The following CUX1 variants were observed in gnomAD, a reference collection of about 807,000 sequenced individuals.
The protein encoded by CUX1 is cut like homeobox 1.
CUX1 carries 31 observed loss-of-function variants against 158.8 expected under a neutral mutation model. The observed-to-expected ratio is 0.20, with a 90% confidence interval of 0.15 to 0.26. CUX1 has a LOEUF of 0.26. Among genes scored for constraint, CUX1 ranks in the 10% least tolerant of loss-of-function variants. The pLI is 1.00. For missense variants in CUX1, 1,589 were observed against 2,014.6 expected, an observed-to-expected ratio of 0.79 and a Z score of 4.04; for synonymous variants, 879 against 862.1, an observed-to-expected ratio of 1.02 and a Z score of -0.34.
rs140021430 is a variant in CUX1, at chr7:102,115,868, A to G, written c.674+595A>G. Among the ~76,000 whole-genome samples, 970 of 152,310 alleles carry G rather than the reference A, an allele frequency of 6.4e-3. 3 individuals are homozygous for G. The highest frequency in any genetic ancestry group is 0.011 in the Non-Finnish European group (752 of 68,022). ...CAGCAAGGAAGAAATAATAATTGAC[A>G]TAAATCATGAAAAGATGAAGAAATG... is the stretch of plus-strand genomic sequence containing the variant. On this transcript the variant is annotated intron_variant, in intron 8 of 23. Transcript: ENST00000292535.
At chr7:102,177,291 G>A (rs549047876) in intron 10 of CUX1, among the ~76,000 whole-genome samples, 1 of 151,860 alleles carries the variant, frequency 6.6e-6, no homozygotes, top group African/African-American at 2.4e-5. Flanking sequence ...GTGCCCACCT[G>A]TAATCCCAGC....
intron 2 of CUX1, among the ~76,000 whole-genome samples, chr7:101,976,323 T>G (rs981791134): frequency 6.6e-6 from 1 of 152,218 alleles, no homozygotes; most frequent in African/African-American, 2.4e-5. Flanking sequence ...TATTGTAGTG[T>G]AAGGGATCTG....
At chr7:101,939,894 G>A (rs1807489631) in intron 2 of CUX1, among the ~76,000 whole-genome samples, 1 of 151,950 alleles carries the variant, frequency 6.6e-6, no homozygotes. Context: ...CAGCCTGACC[G>A]ACATGGTGAA....
chr7:102,219,070 A>ACACG (rs1399549653), intron 20 of CUX1, among the ~76,000 whole-genome samples: 1 of 150,826 alleles, frequency 6.6e-6, no homozygotes, highest in African/African-American at 2.4e-5. Flanking sequence ...ACACACACAC[A>ACACG]CACACACACA....
intron 2 of CUX1, among the ~76,000 whole-genome samples, chr7:101,921,443 T>A (rs192283697): frequency 0.023 from 3,390 of 149,716 alleles, 123 homozygotes; most frequent in African/African-American, 0.075. Flanking sequence ...TATTTTATTT[T>A]ATTTATTTAT....
chr7:101,888,082 T>G (rs965640802), intron 1 of CUX1, among the ~76,000 whole-genome samples: 1 of 152,062 alleles, frequency 6.6e-6, no homozygotes, highest in Non-Finnish European at 1.5e-5. Flanking sequence ...GCCTGTAATC[T>G]CAGCACTTTG....
At chr7:102,145,450 G>GT (rs1171920596) in intron 8 of CUX1, among the ~76,000 whole-genome samples, 6 of 149,946 alleles carry the variant, frequency 4.0e-5, no homozygotes, top group Non-Finnish European at 8.9e-5. Flanking sequence ...GGTACTGGAA[G>GT]TGAGCGCTCA....
intron 18 of CUX1, among the ~76,000 whole-genome samples, chr7:102,202,723 C>T (rs1199510433): frequency 1.3e-5 from 2 of 152,166 alleles, no homozygotes; most frequent in East Asian, 3.9e-4. Flanking sequence ...TTCTGTGTAA[C>T]TCTTGGATAT....
intron 4 of CUX1, among the ~76,000 whole-genome samples, chr7:102,086,246 CTTTT>C (rs201405420): frequency 2.2e-5 from 3 of 138,262 alleles, no homozygotes; most frequent in Non-Finnish European, 4.8e-5. Context: ...TGATTTTTCT[CTTTT>C]TTTTTTTTTT....
At chr7:101,991,796 C>T (rs1815174656) in intron 2 of CUX1, among the ~76,000 whole-genome samples, 1 of 151,656 alleles carries the variant, frequency 6.6e-6, no homozygotes. Context: ...TAGCCAGGCA[C>T]CATGCACACA....
intron 20 of CUX1, among the ~76,000 whole-genome samples, chr7:102,216,118 A>C (rs781789128): frequency 6.6e-6 from 1 of 152,218 alleles, no homozygotes; most frequent in African/African-American, 2.4e-5. Context: ...AGCCTGGACA[A>C]CATGGGGAAA....
intron 11 of CUX1, among the ~76,000 whole-genome samples, chr7:102,179,704 A>T (rs1230069404): frequency 6.6e-6 from 1 of 152,144 alleles, no homozygotes; most frequent in Non-Finnish European, 1.5e-5. Flanking sequence ...GGGTCCTGGG[A>T]CCCTTGATTC....
rs1789806494 is a variant in CUX1, at chr7:102,255,546, T to G, written c.*6504T>G. On this transcript the variant is annotated 3_prime_UTR_variant, in exon 24 of 24. Coordinates refer to ENST00000292535, the MANE Select transcript of CUX1 (RefSeq NM_181552.4). ...TTACCCGATAATGTTAAGAAAGCAT[T>G]AGTCTACGTTACTGTAATTTCTGTA... 3 of 985,434 alleles carry G rather than the reference T, an allele frequency of 3.0e-6. No homozygotes were observed. The African/African-American group carries it at 5.2e-5, about 17-fold the overall frequency. The allele number at this position is 985,434 out of a possible 1,614,324, so 61.0% of individuals were successfully genotyped here. A position where few individuals can be genotyped will look rare whatever the true frequency, so the allele number is the denominator to read the frequency against.
chr7:102,242,832 C>T (rs1440564900), intron 23 of CUX1, among the ~76,000 whole-genome samples: 2 of 152,214 alleles, frequency 1.3e-5, no homozygotes, highest in African/African-American at 4.8e-5. Context: ...TCATACCCGT[C>T]ACACTGTAGT....
At chr7:101,824,198 G>A (rs571445034) in intron 1 of CUX1, among the ~76,000 whole-genome samples, 1 of 152,106 alleles carries the variant, frequency 6.6e-6, no homozygotes, top group African/African-American at 2.4e-5. Flanking sequence ...AGTGATTCTC[G>A]TGCCTCAGCC....
At chr7:102,070,511 A>G in intron 4 of CUX1, 94 bp downstream of exon 4, 1 of 900,620 alleles carries the variant, frequency 1.1e-6, no homozygotes, top group Non-Finnish European at 1.7e-6. Context: ...TCCTAAGGAA[A>G]ATAAATACAC....
intron 18 of CUX1, among the ~76,000 whole-genome samples, chr7:102,203,803 C>T (rs1440057521): frequency 5.3e-5 from 8 of 152,108 alleles, no homozygotes; most frequent in East Asian, 1.9e-4. Context: ...ACACGCAACT[C>T]GGCAATCATC....
At chr7:101,894,474 A>G (rs953195820) in intron 1 of CUX1, among the ~76,000 whole-genome samples, 2 of 151,782 alleles carry the variant, frequency 1.3e-5, no homozygotes, top group African/African-American at 4.8e-5. Context: ...CCACACTTGG[A>G]TAATTTTTTG....
At chr7:102,048,985 C>A (rs1823161471) in intron 3 of CUX1, among the ~76,000 whole-genome samples, 1 of 152,096 alleles carries the variant, frequency 6.6e-6, no homozygotes, top group Non-Finnish European at 1.5e-5. Flanking sequence ...ACTTCCTGAG[C>A]CTTCTAAGTC....
Sources: gnomAD v4.1 joint callset for allele counts (sites outside exome capture counted in the v4.1 genomes callset) on GRCh38, gnomAD v4.1.1 for gene constraint, MANE v1.5 for transcripts, NCBI Gene and HGNC (gene_info 2026-07-23, HGNC 2026-07-21) for gene names.